SEL1L: variants seen among roughly 807,000 people sequenced by gnomAD.
SEL1L encodes the protein protein sel-1 homolog 1.
Under a neutral mutation model 109.8 loss-of-function variants are expected in SEL1L, and 52 were observed. That is an observed-to-expected ratio of 0.47 (90% CI 0.38 to 0.60). The LOEUF (loss-of-function observed/expected upper bound fraction) is 0.60. Among genes scored for constraint, SEL1L ranks in the 20% least tolerant of loss-of-function variants. The pLI is 0.00. For missense variants in SEL1L, 749 were observed against 962.2 expected, an observed-to-expected ratio of 0.78 and a Z score of 2.93; for synonymous variants, 373 against 339.6, an observed-to-expected ratio of 1.10 and a Z score of -1.08.
At chr14:81,479,798 A>C (rs1312512205) in intron 19 of SEL1L, 58 bp from the exon 20 acceptor site, 1 of 1,487,848 alleles carries the variant, frequency 6.7e-7, no homozygotes, top group Admixed American at 2.0e-5. Context: ...AAAAATATTT[A>C]GTGAACATAT....
intron 14 of SEL1L, 92 bp from the exon 15 acceptor site, chr14:81,488,034 TA>T (rs1039951408): frequency 4.7e-5 from 45 of 948,772 alleles, no homozygotes; most frequent in Middle Eastern, 4.5e-4. Context: ...ACAAAGCATA[TA>T]AAAAAATATT....
At chr14:81,497,733 G>T (rs972839058) in intron 10 of SEL1L, among the ~76,000 whole-genome samples, 159 bp downstream of exon 10, 9 of 146,324 alleles carry the variant, frequency 6.2e-5, no homozygotes, top group East Asian at 2.0e-4. Flanking sequence ...GAGACTCTTG[G>T]TTTTTTTTTT....
rs528945786 is a variant in SEL1L, at chr14:81,474,613, C to G, written c.*2359G>C. 6.6e-6 allele frequency: 1 copy of G among 152,170 alleles called. No individual in the cohort carries two copies. The highest frequency in any genetic ancestry group is 1.5e-5 in the Non-Finnish European group (1 of 68,038). 9.4% of individuals were successfully genotyped at this position (152,170 alleles called of 1,614,324 possible). On this transcript the variant is annotated 3_prime_UTR_variant, in exon 21 of 21. Coordinates refer to ENST00000336735, the MANE Select transcript of SEL1L (RefSeq NM_005065.6). The stretch of plus-strand genomic sequence containing the variant: ...ATTTTAGGAGAAAAACCAAACCCAA[C>G]TCCTATTTGCTTAGGTACCATGTCC...
At position 81,520,988 on chromosome 14, in the gene SEL1L, C is replaced by A. The variant is rs150771972; in HGVS notation, c.340+5745G>T. Among the ~76,000 whole-genome samples the A allele has an allele frequency of 5.1e-3, 773 of 152,248 alleles. 6 individuals carry two copies. The highest frequency in any genetic ancestry group is 0.018 in the African/African-American group (737 of 41,556). On this transcript the variant is annotated intron_variant, in intron 3 of 20. Coordinates refer to ENST00000336735, the MANE Select transcript of SEL1L (RefSeq NM_005065.6). ...GGAAAGAAACGACCCGAGAGCAGCT[C>A]TGGCAGTCACAGACTTCTCTACACC... is the stretch of plus-strand genomic sequence containing the variant.
At chr14:81,507,854 C>G (rs962929122) in intron 3 of SEL1L, among the ~76,000 whole-genome samples, 1 of 152,146 alleles carries the variant, frequency 6.6e-6, no homozygotes, top group Admixed American at 6.5e-5. Context: ...GGTAGCAGAG[C>G]TCGGTCATGA....
chr14:81,499,302 G>A, intron 8 of SEL1L, 157 bp downstream of exon 8: 13 of 1,391,168 alleles, frequency 9.3e-6, no homozygotes, highest in Non-Finnish European at 1.2e-5. Context: ...GATTCCATGT[G>A]TTATATCCAT....
rs1299142375 is a variant in SEL1L, at chr14:81,479,662, G to C, written c.2125C>G (p.Leu709Val). ...AAATAGACGACGCCCAATTTGCAGAGGGCTAGGAAGACTGGAACTTGTGCA... is the reference window on the plus strand; with the variant it reads ...AAATAGACGACGCCCAATTTGCAGACGGCTAGGAAGACTGGAACTTGTGCA... ...PDAQVPVFLA[L>V]CKLGVVYFLQ... The change falls in exon 20 of 21, where the codon CTC becomes GTC. Residue 709 changes from leucine (L) to valine (V), a missense_variant. Transcript: ENST00000336735. 1 of 1,614,076 alleles carries C rather than the reference G, an allele frequency of 6.2e-7. No homozygotes were observed. Among genetic ancestry groups the C allele is most frequent in the Admixed American group, 1.7e-5 (1 of 59,994 alleles).
Position 81,511,000 on chromosome 14 carries a change from T to C in SEL1L, c.341-4759A>G, listed in dbSNP as rs371944357. ...AAAGTACCTGACTTAAAGTAAGTGA[T>C]ATAGGCCAAATGATACAGGCAATAT... On this transcript the variant is annotated intron_variant, in intron 3 of 20. Transcript: ENST00000336735. Among the ~76,000 whole-genome samples the C allele has an allele frequency of 1.1e-4, 17 of 152,296 alleles. No homozygotes were observed. The South Asian group carries it at 3.3e-3, about 30-fold the overall frequency.
chr14:81,514,925 TC>T (rs1282870995), intron 3 of SEL1L, among the ~76,000 whole-genome samples: 4 of 152,198 alleles, frequency 2.6e-5, no homozygotes, highest in African/African-American at 9.6e-5. Context: ...CTTGACCTTT[TC>T]TGTAAGAGGG....
At position 81,494,999 on chromosome 14, in the gene SEL1L, G is replaced by C. The variant is rs77277181; in HGVS notation, c.1185+82C>G. On this transcript the variant is annotated intron_variant, in intron 11 of 20. Coordinates refer to ENST00000336735, the MANE Select transcript of SEL1L (RefSeq NM_005065.6). Reference sequence around the variant, plus strand: ...TTTAAATGACAGAAGTTTGATACTGGTATTGACTTAGCAAGAAATACATTG... The same window carrying C: ...TTTAAATGACAGAAGTTTGATACTGCTATTGACTTAGCAAGAAATACATTG... The C allele has an allele frequency of 1.5e-3, 1,978 of 1,330,318 alleles. 28 individuals are homozygous for C. In the African/African-American group the frequency reaches 0.026, roughly 17 times the overall value. The allele number at this position is 1,330,318 out of a possible 1,614,324, so 82.4% of individuals were successfully genotyped here. A position where few individuals can be genotyped will look rare whatever the true frequency, so the allele number is the denominator to read the frequency against.
chr14:81,481,730 G>A (rs1013826669), intron 19 of SEL1L, among the ~76,000 whole-genome samples: 2 of 152,126 alleles, frequency 1.3e-5, no homozygotes, highest in African/African-American at 4.8e-5. Context: ...TGATCACGAT[G>A]TCTTATAAAA....
At chr14:81,503,255 G>GCTCA (rs1195446235) in intron 5 of SEL1L, among the ~76,000 whole-genome samples, 1 of 152,168 alleles carries the variant, frequency 6.6e-6, no homozygotes, top group Non-Finnish European at 1.5e-5. Flanking sequence ...GGGATTACAG[G>GCTCA]CGTGAGCCAC....
intron 1 of SEL1L, among the ~76,000 whole-genome samples, chr14:81,529,807 C>T (rs1411290395): frequency 6.6e-6 from 1 of 152,188 alleles, no homozygotes; most frequent in African/African-American, 2.4e-5. Flanking sequence ...AACATTCACA[C>T]AACACTTTTT....
Position 81,492,403 on chromosome 14 carries a change from A to C in SEL1L, c.1254+77T>G, listed in dbSNP as rs575916040. ...TTCCAATTTATTTTTGGTAAATTGTAGATCCTGAACACAATACATGCTAAT... is the reference window on the plus strand; with the variant it reads ...TTCCAATTTATTTTTGGTAAATTGTCGATCCTGAACACAATACATGCTAAT... On this transcript the variant is annotated intron_variant, in intron 12 of 20. Transcript: ENST00000336735. 24 of 1,035,238 alleles carry C rather than the reference A, an allele frequency of 2.3e-5. No individual in the cohort carries two copies. In the African/African-American group the frequency reaches 3.8e-4, roughly 16 times the overall value. The allele number at this position is 1,035,238 out of a possible 1,614,324, so 64.1% of individuals were successfully genotyped here.
intron 3 of SEL1L, among the ~76,000 whole-genome samples, chr14:81,513,627 A>C (rs1258411583): frequency 6.6e-6 from 1 of 152,122 alleles, no homozygotes; most frequent in Non-Finnish European, 1.5e-5. Flanking sequence ...TTCGTTTGCT[A>C]TTCTGTCCTA....
At chr14:81,506,788 G>C (rs1274711367) in intron 3 of SEL1L, among the ~76,000 whole-genome samples, 1 of 152,108 alleles carries the variant, frequency 6.6e-6, no homozygotes, top group Non-Finnish European at 1.5e-5. Flanking sequence ...GCTTGTTAAG[G>C]GTAGAGACTG....
intron 20 of SEL1L, 121 bp from the exon 21 acceptor site, chr14:81,477,302 A>ACTGTGTGTGTGTGT: frequency 7.4e-6 from 3 of 403,984 alleles, no homozygotes; most frequent in Non-Finnish European, 1.3e-5. Context: ...AACGTTTTGC[A>ACTGTGTGTGTGTGT]ATGTGTGTGT....
Position 81,472,283 on chromosome 14 carries a change from G to A in SEL1L, c.*4689C>T, listed in dbSNP as rs1903033092. 2 of 179,190 alleles carry A rather than the reference G, an allele frequency of 1.1e-5. No individual in the cohort carries two copies. The highest frequency in any genetic ancestry group is 2.1e-4 in the South Asian group (2 of 9,678). 11.1% of individuals were successfully genotyped at this position (179,190 alleles called of 1,614,324 possible). A position where few individuals can be genotyped will look rare whatever the true frequency, so the allele number is the denominator to read the frequency against. On this transcript the variant is annotated 3_prime_UTR_variant, in exon 21 of 21. Transcript: ENST00000336735. ...TCAAGGTCATCTGGGGTCACTGACTGTGCTCCCACAAGTACAATTTGAGAT... is the reference window on the plus strand; with the variant it reads ...TCAAGGTCATCTGGGGTCACTGACTATGCTCCCACAAGTACAATTTGAGAT...
chr14:81,480,603 C>T (rs1360002442), intron 19 of SEL1L, among the ~76,000 whole-genome samples: 1 of 152,104 alleles, frequency 6.6e-6, no homozygotes, highest in African/African-American at 2.4e-5. Flanking sequence ...CCTGTAGTCC[C>T]AGCTACTTGG....
Sources: allele counts gnomAD v4.1 joint callset (sites outside exome capture counted in the v4.1 genomes callset), GRCh38; gene constraint gnomAD v4.1.1; transcripts MANE v1.5; gene names NCBI Gene and HGNC (gene_info 2026-07-23, HGNC 2026-07-21).